Variants in BBX observed in about 807,000 individuals in gnomAD.
BBX encodes the protein BBX high mobility group box domain containing.
BBX carries 30 observed loss-of-function variants against 100.2 expected under a neutral mutation model. The observed-to-expected ratio is 0.30, with a 90% CI of 0.22 to 0.41. BBX has a LOEUF of 0.41. BBX is among the 10% of genes least tolerant of loss of function. The pLI is 1.00. For missense variants in BBX, 1,023 were observed against 1,129.8 expected, an observed-to-expected ratio of 0.91 and a Z score of 1.35; for synonymous variants, 376 against 388.1, an observed-to-expected ratio of 0.97 and a Z score of 0.37.
At chr3:107,660,853 T>C (rs149470605) in intron 3 of BBX, among the ~76,000 whole-genome samples, 2 of 152,294 alleles carry the variant, frequency 1.3e-5, no homozygotes, top group African/African-American at 4.8e-5. Context: ...TTCTACCCTA[T>C]GAAGTACCCT....
At chr3:107,717,784 T>G (rs2062211404) in intron 5 of BBX, among the ~76,000 whole-genome samples, 1 of 152,178 alleles carries the variant, frequency 6.6e-6, no homozygotes, top group African/African-American at 2.4e-5. Flanking sequence ...GTGATGGATT[T>G]AGCTCCAAGT....
At chr3:107,774,913 A>G in intron 12 of BBX, 56 bp downstream of exon 12, 1 of 1,577,936 alleles carries the variant, frequency 6.3e-7, no homozygotes, top group Non-Finnish European at 8.6e-7. Flanking sequence ...TGTGGGTGGG[A>G]TTTTCAAGGT....
At chr3:107,793,872 T>A (rs192915407) in intron 15 of BBX, among the ~76,000 whole-genome samples, 1 of 152,226 alleles carries the variant, frequency 6.6e-6, no homozygotes, top group Non-Finnish European at 1.5e-5. Context: ...TTTCAAAATA[T>A]CAGAAATATT....
At chr3:107,697,207 C>A (rs549343414) in intron 3 of BBX, among the ~76,000 whole-genome samples, 1 of 152,028 alleles carries the variant, frequency 6.6e-6, no homozygotes, top group Non-Finnish European at 1.5e-5. Flanking sequence ...TCGTCAAAGT[C>A]ATTCTCCGTC....
intron 2 of BBX, among the ~76,000 whole-genome samples, chr3:107,610,975 T>C (rs1391717402): frequency 6.6e-6 from 1 of 152,102 alleles, no homozygotes; most frequent in Non-Finnish European, 1.5e-5. Flanking sequence ...TGATTTTCAC[T>C]GGTGGTATGT....
chr3:107,673,679 T>C (rs2059137257), intron 3 of BBX, among the ~76,000 whole-genome samples: 1 of 152,166 alleles, frequency 6.6e-6, no homozygotes, highest in Admixed American at 6.6e-5. Flanking sequence ...ACCGGATAAT[T>C]ATTATAGTAA....
At chr3:107,579,574 G>A (rs1362176794) in intron 2 of BBX, among the ~76,000 whole-genome samples, 1 of 152,238 alleles carries the variant, frequency 6.6e-6, no homozygotes, top group African/African-American at 2.4e-5. Flanking sequence ...CTGAGAGCCT[G>A]GCGGGTCTTT....
intron 10 of BBX, among the ~76,000 whole-genome samples, chr3:107,769,101 G>A (rs1189231189): frequency 1.4e-4 from 21 of 151,556 alleles, no homozygotes; most frequent in Admixed American, 5.9e-4. Flanking sequence ...CCTGGAGGTC[G>A]AGGCTGCCAT....
chr3:107,527,342 T>A (rs948618833), intron 2 of BBX, among the ~76,000 whole-genome samples: 1 of 152,216 alleles, frequency 6.6e-6, no homozygotes, highest in Admixed American at 6.5e-5. Flanking sequence ...GAGATTGTAT[T>A]TTGTGAATGA....
At chr3:107,546,581 T>A (rs2049256757) in intron 2 of BBX, among the ~76,000 whole-genome samples, 1 of 152,178 alleles carries the variant, frequency 6.6e-6, no homozygotes, top group Admixed American at 6.5e-5. Flanking sequence ...ATGTAGCCTG[T>A]CGTGAATTTT....
At chr3:107,796,145 G>C (rs767403770) in intron 15 of BBX, among the ~76,000 whole-genome samples, 3 of 152,168 alleles carry the variant, frequency 2.0e-5, no homozygotes, top group East Asian at 1.9e-4. Flanking sequence ...TGGTTGGACT[G>C]CTGTTAGTAA....
intron 2 of BBX, among the ~76,000 whole-genome samples, chr3:107,640,039 A>G (rs1266279635): frequency 6.6e-6 from 1 of 152,210 alleles, no homozygotes; most frequent in African/African-American, 2.4e-5. Flanking sequence ...CACTTATTGT[A>G]TAGCAAATGC....
At position 107,634,707 on chromosome 3, in the gene BBX, T is replaced by C. The variant is rs369311881; in HGVS notation, c.-83-11129T>C. ...TGAAAATAGAATAATTGAAGTTTGC[T>C]TTTACTCTTGTTATCAAAGCAGGCT... On this transcript the variant is annotated intron_variant, in intron 2 of 17. Coordinates refer to ENST00000325805, the MANE Select transcript of BBX (RefSeq NM_001142568.3). 3.9e-5 allele frequency among the ~76,000 whole-genome samples: 6 copies of C among 152,338 alleles called. No homozygotes were observed. In the East Asian group the frequency reaches 1.2e-3, roughly 29 times the overall value.
At chr3:107,756,213 C>T (rs1444491140) in intron 10 of BBX, among the ~76,000 whole-genome samples, 1 of 152,122 alleles carries the variant, frequency 6.6e-6, no homozygotes, top group Non-Finnish European at 1.5e-5. Flanking sequence ...TGGTGAGGAA[C>T]AGAGACCTTA....
intron 2 of BBX, among the ~76,000 whole-genome samples, chr3:107,561,056 C>A (rs187070151): frequency 6.6e-6 from 1 of 152,174 alleles, no homozygotes; most frequent in South Asian, 2.1e-4. Flanking sequence ...CTCTCATAGT[C>A]GTGACAATCA....
chr3:107,716,520 A>T, intron 4 of BBX, 87 bp from the exon 5 acceptor site: 1 of 1,504,668 alleles, frequency 6.6e-7, no homozygotes, highest in South Asian at 1.3e-5. Flanking sequence ...GCTAAGAAAA[A>T]AATACAATTT....
chr3:107,641,519 C>G lies in BBX; in HGVS notation c.-83-4317C>G, dbSNP rs1188577557. On this transcript the variant is annotated intron_variant, in intron 2 of 17. Coordinates refer to ENST00000325805, the MANE Select transcript of BBX (RefSeq NM_001142568.3). ...TGCTGGAGTTTTCTGTCCCTCCTACCTAGTGTTTTCTTATACTTTTTTTTG... is the reference window on the plus strand; with the variant it reads ...TGCTGGAGTTTTCTGTCCCTCCTACGTAGTGTTTTCTTATACTTTTTTTTG... Among the ~76,000 whole-genome samples the G allele has an allele frequency of 3.3e-5, 5 of 152,324 alleles. No homozygotes were observed. The South Asian group carries it at 1.0e-3, about 32-fold the overall frequency.
intron 12 of BBX, among the ~76,000 whole-genome samples, chr3:107,776,831 C>A (rs575733657): frequency 3.3e-5 from 5 of 152,230 alleles, no homozygotes; most frequent in African/African-American, 1.2e-4. Context: ...TTATAGACAG[C>A]TTTCTGATAG....
At chr3:107,767,356 A>T (rs1471812975) in intron 10 of BBX, among the ~76,000 whole-genome samples, 1 of 152,136 alleles carries the variant, frequency 6.6e-6, no homozygotes, top group Admixed American at 6.5e-5. Context: ...AGGCAGAGGC[A>T]GCTTGTCTTC....
Sources: allele counts gnomAD v4.1 joint callset (sites outside exome capture counted in the v4.1 genomes callset), GRCh38; gene constraint gnomAD v4.1.1; transcripts MANE v1.5; gene names NCBI Gene and HGNC (gene_info 2026-07-23, HGNC 2026-07-21).